Variants in SYNE3 observed in about 807,000 individuals in gnomAD.
SYNE3 encodes nesprin-3.
SYNE3 carries 100 observed loss-of-function variants against 111.2 expected under a neutral mutation model. The ratio of observed to expected loss-of-function variants is 0.90; its 90% CI spans 0.77 to 1.06. The LOEUF is 1.06. Among genes scored for constraint, SYNE3 ranks in the 50% least tolerant of loss-of-function variants. The pLI, the probability that SYNE3 is intolerant of heterozygous loss-of-function variation, is 0.00. For synonymous variants in SYNE3, 547 were observed against 533.9 expected (o/e 1.02, Z -0.34); for missense variants, 1,160 against 1,240.3 (o/e 0.94, Z 0.97).
Position 95,478,011 on chromosome 14 carries a change from G to T in SYNE3, c.-14-2176C>A, listed in dbSNP as rs141441966. 1.4e-4 allele frequency among the ~76,000 whole-genome samples: 22 copies of T among 152,292 alleles called. No individual in the cohort carries two copies. The East Asian group carries it at 4.2e-3, about 29-fold the overall frequency. ...GCTCTAATCATCAAGAGGCAGCGAG[G>T]CTTTAGAGCACCCCTTCTTGTTGGC... On this transcript the variant is annotated intron_variant, in intron 1 of 17. Transcript: ENST00000682763.
At chr14:95,489,901 A>G (rs1889761136) in intron 1 of SYNE3, among the ~76,000 whole-genome samples, 1 of 152,168 alleles carries the variant, frequency 6.6e-6, no homozygotes, top group Admixed American at 6.5e-5. Flanking sequence ...TGTAACCCCA[A>G]AATAAGAGGC....
chr14:95,433,191 C>T, intron 16 of SYNE3, 69 bp downstream of exon 16: 1 of 1,568,370 alleles, frequency 6.4e-7, no homozygotes, highest in Non-Finnish European at 8.7e-7. Flanking sequence ...GCACTGTATC[C>T]CCAGGCAAAT....
chr14:95,436,801 C>G lies in SYNE3; in HGVS notation c.2538+19G>C, dbSNP rs192178494. ...GGGTGCAAACCTTATGGATGAGGGA[C>G]CTTTCCTGGGGAACAGACCTGCAGC... On this transcript the variant is annotated intron_variant, in intron 15 of 17. Transcript: ENST00000682763. 6.2e-7 allele frequency: 1 copy of G among 1,612,760 alleles called. No individual in the cohort carries two copies. Among genetic ancestry groups the G allele is most frequent in the African/African-American group, 1.3e-5 (1 of 75,030 alleles).
intron 1 of SYNE3, among the ~76,000 whole-genome samples, chr14:95,501,974 G>A (rs17092587): frequency 0.041 from 6,302 of 152,186 alleles, 438 homozygotes; most frequent in African/African-American, 0.14. Flanking sequence ...GGAACACTGC[G>A]AAGGGGCAAT....
chr14:95,510,127 T>C (rs982913848), intron 1 of SYNE3, among the ~76,000 whole-genome samples: 1 of 152,196 alleles, frequency 6.6e-6, no homozygotes, highest in African/African-American at 2.4e-5. Flanking sequence ...TGAGCGTTTG[T>C]TTCCTAGTCT....
chr14:95,412,702 C>T lies in SYNE3; in HGVS notation c.*5124G>A, dbSNP rs190711346. ...TCCCTCTTCCCATTTCTCTTTCCTT[C>T]TCTCCCTCGGGGACTCCTGCACTAA... On this transcript the variant is annotated 3_prime_UTR_variant, in exon 18 of 18. Coordinates refer to ENST00000682763, the MANE Select transcript of SYNE3 (RefSeq NM_152592.6). 20 of 152,254 alleles carry T rather than the reference C, an allele frequency of 1.3e-4. No homozygotes were observed. The highest frequency in any genetic ancestry group is 3.9e-4 in the East Asian group (2 of 5,188). 9.4% of individuals were successfully genotyped at this position (152,254 alleles called of 1,614,324 possible).
chr14:95,450,317 A>T (rs1886996617), intron 7 of SYNE3: 2 of 620,394 alleles, frequency 3.2e-6, no homozygotes, highest in Admixed American at 6.1e-5. Context: ...AGGCATCAGC[A>T]GCAGGCCTGG....
intron 11 of SYNE3, among the ~76,000 whole-genome samples, chr14:95,440,676 A>C (rs981031113): frequency 1.3e-5 from 2 of 152,260 alleles, no homozygotes; most frequent in Admixed American, 1.3e-4. Context: ...CCAGGCACAA[A>C]AGAAAACATT....
intron 15 of SYNE3, among the ~76,000 whole-genome samples, chr14:95,435,241 GA>G (rs34798722): frequency 0.33 from 48,328 of 147,704 alleles, 7,855 homozygotes; most frequent in East Asian, 0.55. Context: ...TATAAAATAA[GA>G]AAAAAAAAAG....
intron 6 of SYNE3, among the ~76,000 whole-genome samples, chr14:95,453,833 G>T (rs1436779953): frequency 6.6e-6 from 1 of 152,238 alleles, no homozygotes; most frequent in Non-Finnish European, 1.5e-5. Flanking sequence ...TTCCTGGGAA[G>T]GACGCTGCCC....
rs10547044 is a variant in SYNE3 at position 95,499,856 on chromosome 14, C to CTTTT, written c.-15+16736_-15+16739dup. On this transcript the variant is annotated intron_variant, in intron 1 of 17. Transcript: ENST00000682763. ...AATCCCCTGTATCACTAACTCTTGT[C>CTTTT]TTTTTTTTTTTTTTTTTTTTGAGAT... 7.5e-3 allele frequency among the ~76,000 whole-genome samples: 675 copies of CTTTT among 90,034 alleles called. 83 individuals are homozygous for CTTTT. The highest frequency in any genetic ancestry group is 0.027 in the African/African-American group (580 of 21,250). 59.1% of individuals were successfully genotyped at this position (90,034 alleles called of 152,430 possible).
At chr14:95,447,069 G>C (rs1204494824) in intron 8 of SYNE3, among the ~76,000 whole-genome samples, 1 of 152,014 alleles carries the variant, frequency 6.6e-6, no homozygotes, top group Non-Finnish European at 1.5e-5. Context: ...GCACGGGGTT[G>C]GGAGAGAAAG....
chr14:95,468,807 A>G (rs142461142), intron 2 of SYNE3, among the ~76,000 whole-genome samples: 9 of 152,290 alleles, frequency 5.9e-5, no homozygotes, highest in Non-Finnish European at 1.0e-4. Context: ...ACTAAGACCA[A>G]TGCATGATGT....
chr14:95,450,652 A>C (rs1887019216), intron 7 of SYNE3: 1 of 152,732 alleles, frequency 6.5e-6, no homozygotes, highest in Non-Finnish European at 1.5e-5. Context: ...ACTCCAACCT[A>C]GGTGACAGAG....
Position 95,475,836 on chromosome 14 carries a change from C to T in SYNE3, c.-14-1G>A. 2 of 1,516,784 alleles carry T rather than the reference C, an allele frequency of 1.3e-6. No homozygotes were observed. The highest frequency in any genetic ancestry group is 1.4e-5 in the African/African-American group (1 of 71,536). The allele number at this position is 1,516,784 out of a possible 1,614,324, so 94.0% of individuals were successfully genotyped here. ...TGCTGAGTCATGGCACCTGCAGGGG[C>T]TGAAGAAAGGGCCACAGATAAGGCC... On this transcript the variant is annotated splice_acceptor_variant, in intron 1 of 17. Coordinates refer to ENST00000682763, the MANE Select transcript of SYNE3 (RefSeq NM_152592.6). LOFTEE classifies it low-confidence loss of function (5UTR_SPLICE).
In SYNE3 at chr14:95,417,550, A is replaced by T. The variant is rs1341634973; in HGVS notation, c.*276T>A. On this transcript the variant is annotated 3_prime_UTR_variant, in exon 18 of 18. Coordinates refer to ENST00000682763, the MANE Select transcript of SYNE3 (RefSeq NM_152592.6). Reference sequence around the variant, plus strand: ...TCCCAACTCCAAATAGAACTCGTATATGAAATTATACATACTGAGCATTTA... The same window carrying T: ...TCCCAACTCCAAATAGAACTCGTATTTGAAATTATACATACTGAGCATTTA... 6.4e-6 allele frequency: 3 copies of T among 471,778 alleles called. No homozygotes were observed. Among genetic ancestry groups the T allele is most frequent in the Non-Finnish European group, 1.2e-5 (3 of 259,888 alleles). The allele number at this position is 471,778 out of a possible 1,614,324, so 29.2% of individuals were successfully genotyped here. A position where few individuals can be genotyped will look rare whatever the true frequency, so the allele number is the denominator to read the frequency against.
chr14:95,433,619 G>A (rs1207943582), intron 15 of SYNE3, among the ~76,000 whole-genome samples: 1 of 152,244 alleles, frequency 6.6e-6, no homozygotes, highest in East Asian at 1.9e-4. Flanking sequence ...CCTCCTGCAT[G>A]GAACGGGCAG....
At chr14:95,489,530 C>T (rs898271525) in intron 1 of SYNE3, among the ~76,000 whole-genome samples, 2 of 152,218 alleles carry the variant, frequency 1.3e-5, no homozygotes, top group Non-Finnish European at 2.9e-5. Context: ...AGTGCTCACA[C>T]ACATTTGTGA....
chr14:95,501,483 C>T lies in SYNE3; in HGVS notation c.-15+15113G>A, dbSNP rs535118611. 2.0e-4 allele frequency among the ~76,000 whole-genome samples: 30 copies of T among 152,318 alleles called. No individual in the cohort carries two copies. In the South Asian group the frequency reaches 5.6e-3, roughly 28 times the overall value. On this transcript the variant is annotated intron_variant, in intron 1 of 17. Transcript: ENST00000682763. ...ACCTCCATGGGGCATCCAGGTGCCA[C>T]GTGCAGCAGAGGAAACACTAAGCTG...
Sources: gnomAD v4.1 joint callset for allele counts (sites outside exome capture counted in the v4.1 genomes callset) on GRCh38, gnomAD v4.1.1 for gene constraint, MANE v1.5 for transcripts, NCBI Gene and HGNC (gene_info 2026-07-23, HGNC 2026-07-21) for gene names.